The following MPPED1 variants were observed in gnomAD, a reference collection of about 807,000 sequenced individuals.
The protein encoded by MPPED1 is metallophosphoesterase domain containing 1.
In MPPED1, 16 loss-of-function variants were observed where a neutral mutation model predicts 36.2. The observed-to-expected ratio is 0.44, with a 90% CI of 0.30 to 0.67. The LOEUF (loss-of-function observed/expected upper bound fraction) is 0.67. Ranked by LOEUF, MPPED1 falls within the 30% of genes least tolerant of loss-of-function variation. The pLI is 0.10. For synonymous variants in MPPED1, 199 were observed against 191.3 expected (o/e 1.04, Z -0.33); for missense variants, 307 against 453.4 (o/e 0.68, Z 2.93).
chr22:43,500,278 C>CGGTGGTGATGGTGGA (rs773765868), intron 5 of MPPED1, among the ~76,000 whole-genome samples: 1 of 19,866 alleles, frequency 5.0e-5, no homozygotes, highest in Non-Finnish European at 7.6e-5. Flanking sequence ...ATGGAGGTGG[C>CGGTGGTGATGGTGGA]GGTGGTGATG....
Position 43,429,187 on chromosome 22 carries a change from C to G in MPPED1, c.224+3978C>G, listed in dbSNP as rs143106272. 1.9e-3 allele frequency among the ~76,000 whole-genome samples: 295 copies of G among 152,190 alleles called. 3 individuals are homozygous for G. The highest frequency in any genetic ancestry group is 6.9e-3 in the African/African-American group (286 of 41,520). ...TGCTGTCTCAGGTCAATGTGGACACCCTCTCTACAGATGAGGATGCTAAGG... is the reference window on the plus strand; with the variant it reads ...TGCTGTCTCAGGTCAATGTGGACACGCTCTCTACAGATGAGGATGCTAAGG... On this transcript the variant is annotated intron_variant, in intron 2 of 6. Transcript: ENST00000443721.
intron 3 of MPPED1, among the ~76,000 whole-genome samples, chr22:43,463,812 TTTCTTTC>T (rs1931046072): frequency 1.4e-4 from 3 of 21,240 alleles, no homozygotes; most frequent in Admixed American, 4.9e-4. Flanking sequence ...TTTTCTTTTC[TTTCTTTC>T]TTTCTTTCTT....
chr22:43,489,891 A>G (rs1932031189), intron 4 of MPPED1, among the ~76,000 whole-genome samples: 1 of 152,188 alleles, frequency 6.6e-6, no homozygotes, highest in Non-Finnish European at 1.5e-5. Context: ...GGTATTTAGA[A>G]GGCATTTTCA....
At chr22:43,495,601 GATGGTGGAGGTAGTA>G (rs1394272269) in intron 4 of MPPED1, among the ~76,000 whole-genome samples, 4 of 92,714 alleles carry the variant, frequency 4.3e-5, no homozygotes, top group Non-Finnish European at 7.4e-5. Flanking sequence ...TGGAGGTGGT[GATGGTGGAGGTAGTA>G]GTGGTGGAGA....
At chr22:43,443,253 C>A (rs750703353) in intron 3 of MPPED1, among the ~76,000 whole-genome samples, 2 of 152,120 alleles carry the variant, frequency 1.3e-5, no homozygotes, top group African/African-American at 4.8e-5. Flanking sequence ...GATCCTGGGC[C>A]GCTGACCAGC....
chr22:43,458,914 A>T (rs1170802695), intron 3 of MPPED1, among the ~76,000 whole-genome samples: 1 of 152,056 alleles, frequency 6.6e-6, no homozygotes, highest in Admixed American at 6.5e-5. Context: ...TTTGTGTGTG[A>T]TGAGTGATTG....
intron 3 of MPPED1, among the ~76,000 whole-genome samples, chr22:43,448,578 TTTTA>T (rs135048): frequency 0.034 from 4,996 of 147,278 alleles, 98 homozygotes; most frequent in Admixed American, 0.048. Context: ...TTTAAAATCT[TTTTA>T]TTTATTTATT....
intron 2 of MPPED1, among the ~76,000 whole-genome samples, chr22:43,425,801 G>A (rs1929448046): frequency 6.6e-6 from 1 of 152,252 alleles, no homozygotes; most frequent in Non-Finnish European, 1.5e-5. Context: ...TTTTCCAAAA[G>A]GACTGGGGGA....
chr22:43,458,816 C>G (rs564449104), intron 3 of MPPED1, among the ~76,000 whole-genome samples: 1 of 152,132 alleles, frequency 6.6e-6, no homozygotes, highest in Non-Finnish European at 1.5e-5. Flanking sequence ...AATTGCTGGT[C>G]GACAGTCCTT....
rs1211763790 is a variant in MPPED1 at position 43,500,424 on chromosome 22, ATGGAGGTGGTGG to A, written c.748+2086_748+2097del. 7.0e-3 allele frequency among the ~76,000 whole-genome samples: 776 copies of A among 110,784 alleles called. 25 individuals carry two copies. The highest frequency in any genetic ancestry group is 0.059 in the Admixed American group (681 of 11,486). 72.7% of individuals were successfully genotyped at this position (110,784 alleles called of 152,430 possible). The stretch of plus-strand genomic sequence containing the variant: ...GGTAGTGGTGGTGATGGAGGTGGTA[ATGGAGGTGGTGG>A]TGGAGGTGGTGACGGAGGTGGTGGA... On this transcript the variant is annotated intron_variant, in intron 5 of 6. Coordinates refer to ENST00000443721, the MANE Select transcript of MPPED1 (RefSeq NM_001044370.2).
At chr22:43,440,741 C>T (rs897211061) in intron 3 of MPPED1, among the ~76,000 whole-genome samples, 1 of 152,102 alleles carries the variant, frequency 6.6e-6, no homozygotes, top group African/African-American at 2.4e-5. Context: ...CCCTAGCCCC[C>T]ACAGCCTGAG....
intron 4 of MPPED1, among the ~76,000 whole-genome samples, chr22:43,496,032 AGGT>A (rs776252458): frequency 0.077 from 1,881 of 24,430 alleles, 144 homozygotes; most frequent in African/African-American, 0.18. Context: ...GTGATGGTGG[AGGT>A]GGTGGTGGTG....
chr22:43,448,204 G>T (rs894485427), intron 3 of MPPED1, among the ~76,000 whole-genome samples: 1 of 152,112 alleles, frequency 6.6e-6, no homozygotes, highest in Non-Finnish European at 1.5e-5. Context: ...ATCACACTTT[G>T]AGTAACAGGG....
chr22:43,506,585 G>C lies in MPPED1; in HGVS notation c.*969G>C, dbSNP rs1932820644. On this transcript the variant is annotated 3_prime_UTR_variant, in exon 7 of 7. Coordinates refer to ENST00000443721, the MANE Select transcript of MPPED1 (RefSeq NM_001044370.2). ...TCTGTTCCTTGGTGCGGCTTCCCTTGCACCGTTAGGATTCTGTCTGGCATG... is the reference window on the plus strand; with the variant it reads ...TCTGTTCCTTGGTGCGGCTTCCCTTCCACCGTTAGGATTCTGTCTGGCATG... The C allele has an allele frequency of 6.6e-6, 1 of 152,250 alleles. No individual in the cohort carries two copies. The highest frequency in any genetic ancestry group is 2.1e-4 in the South Asian group (1 of 4,824). The allele number at this position is 152,250 out of a possible 1,614,324, so 9.4% of individuals were successfully genotyped here.
At position 43,505,694 on chromosome 22, in the gene MPPED1, A is replaced by T; in HGVS notation, c.*78A>T. On this transcript the variant is annotated 3_prime_UTR_variant, in exon 7 of 7. Transcript: ENST00000443721. ...CCCGGCCACTGTTCCTTCCATGCTG[A>T]GTTGCCTGGACGACCCATCTGGCTG... The T allele has an allele frequency of 7.5e-7, 1 of 1,330,436 alleles. No individual in the cohort carries two copies. The highest frequency in any genetic ancestry group is 1.0e-6 in the Non-Finnish European group (1 of 955,356). 82.4% of individuals were successfully genotyped at this position (1,330,436 alleles called of 1,614,324 possible).
chr22:43,425,120 C>T lies in MPPED1; in HGVS notation c.135C>T (p.Ile45=), dbSNP rs568310548. 15 of 1,613,842 alleles carry T rather than the reference C, an allele frequency of 9.3e-6. No homozygotes were observed. The Admixed American group carries it at 1.0e-4, about 11-fold the overall frequency. Residue 45 remains isoleucine (I), a synonymous_variant, in exon 2 of 7, where the codon ATC becomes ATT. Transcript: ENST00000443721. ...ARRHQHSRLI[I]EVDEYSSNPT... ...GGCACCAGCACAGCCGGCTCATCAT[C>T]GAGGTGGACGAGTACAGCTCCAACC... is the stretch of plus-strand genomic sequence containing the variant.
intron 3 of MPPED1, among the ~76,000 whole-genome samples, chr22:43,437,068 G>A (rs941484785): frequency 1.3e-5 from 2 of 152,256 alleles, no homozygotes; most frequent in Non-Finnish European, 2.9e-5. Context: ...ACTCAAGGAG[G>A]AATGGGCTTC....
intron 3 of MPPED1, among the ~76,000 whole-genome samples, chr22:43,449,389 A>G (rs11913644): frequency 6.6e-6 from 1 of 151,302 alleles, no homozygotes; most frequent in African/African-American, 2.4e-5. Context: ...CGTCAGGTAC[A>G]CCGCCATATC....
At chr22:43,460,917 C>T (rs756733100) in intron 3 of MPPED1, among the ~76,000 whole-genome samples, 3 of 152,206 alleles carry the variant, frequency 2.0e-5, no homozygotes, top group Non-Finnish European at 2.9e-5. Context: ...TCCAGATTTT[C>T]ATTTTAAGTT....
Sources: allele counts gnomAD v4.1 joint callset (sites outside exome capture counted in the v4.1 genomes callset), GRCh38; gene constraint gnomAD v4.1.1; transcripts MANE v1.5; gene names NCBI Gene and HGNC (gene_info 2026-07-23, HGNC 2026-07-21).